MGMT: variants seen among roughly 807,000 people sequenced by gnomAD.
MGMT encodes the protein O-6-methylguanine-DNA methyltransferase.
Under a neutral mutation model 15.9 loss-of-function variants are expected in MGMT, and 14 were observed. That is an observed-to-expected ratio of 0.88 (90% CI 0.58 to 1.37). The LOEUF (loss-of-function observed/expected upper bound fraction) is 1.37. MGMT is among the 40% of genes most tolerant of loss of function. The pLI is 0.00. For missense variants in MGMT, 282 were observed against 268.1 expected, an observed-to-expected ratio of 1.05 and a Z score of -0.36; for synonymous variants, 130 against 118.2, an observed-to-expected ratio of 1.10 and a Z score of -0.65.
At chr10:129,515,663 A>G (rs1415274201) in intron 1 of MGMT, among the ~76,000 whole-genome samples, 1 of 152,198 alleles carries the variant, frequency 6.6e-6, no homozygotes, top group Non-Finnish European at 1.5e-5. Context: ...GAATGTGGCC[A>G]TGCCAGAGTT....
intron 2 of MGMT, among the ~76,000 whole-genome samples, chr10:129,658,836 C>T (rs1847561799): frequency 6.6e-6 from 1 of 152,202 alleles, no homozygotes; most frequent in African/African-American, 2.4e-5. Context: ...GCTGTTCTCG[C>T]CCTTAGCTCG....
chr10:129,738,429 C>T (rs1354519098), intron 3 of MGMT, among the ~76,000 whole-genome samples: 2 of 152,238 alleles, frequency 1.3e-5, no homozygotes, highest in African/African-American at 4.8e-5. Context: ...ACGGTGCACG[C>T]ACCCACTGAC....
intron 2 of MGMT, among the ~76,000 whole-genome samples, chr10:129,677,275 G>C (rs1847796830): frequency 6.6e-6 from 1 of 151,854 alleles, no homozygotes; most frequent in Non-Finnish European, 1.5e-5. Context: ...TTATTTATAA[G>C]CATTTTCTAT....
intron 2 of MGMT, among the ~76,000 whole-genome samples, chr10:129,609,742 A>G (rs1204326582): frequency 3.9e-5 from 6 of 152,174 alleles, no homozygotes; most frequent in Non-Finnish European, 8.8e-5. Flanking sequence ...TTCCCTGAAC[A>G]CTGTAGGAAG....
intron 3 of MGMT, among the ~76,000 whole-genome samples, chr10:129,749,882 T>C (rs1199578799): frequency 6.6e-6 from 1 of 152,286 alleles, no homozygotes; most frequent in East Asian, 1.9e-4. Context: ...ATGTTAAATA[T>C]CTTTCCTTGT....
chr10:129,601,068 C>G (rs1312690640), intron 2 of MGMT, among the ~76,000 whole-genome samples: 1 of 149,678 alleles, frequency 6.7e-6, no homozygotes, highest in African/African-American at 2.5e-5. Context: ...TTCTTGGTGG[C>G]ATTTTTCATC....
chr10:129,717,372 G>A (rs1848311596), intron 3 of MGMT, among the ~76,000 whole-genome samples: 1 of 152,314 alleles, frequency 6.6e-6, no homozygotes, highest in East Asian at 1.9e-4. Flanking sequence ...GTGGTAAATA[G>A]CGTGTTCAGT....
intron 2 of MGMT, among the ~76,000 whole-genome samples, chr10:129,688,705 T>C (rs887817094): frequency 2.6e-5 from 4 of 152,232 alleles, no homozygotes; most frequent in African/African-American, 9.6e-5. Context: ...AAAGACTTCA[T>C]GTCTAAAACA....
At chr10:129,560,069 G>A (rs543530308) in intron 2 of MGMT, among the ~76,000 whole-genome samples, 88 of 152,306 alleles carry the variant, frequency 5.8e-4, no homozygotes, top group African/African-American at 2.0e-3. Context: ...TCTATGAAAG[G>A]TCAGTTGTTA....
chr10:129,644,639 G>T (rs1301201624), intron 2 of MGMT, among the ~76,000 whole-genome samples: 1 of 152,174 alleles, frequency 6.6e-6, no homozygotes, highest in African/African-American at 2.4e-5. Flanking sequence ...TTCCCTTTCA[G>T]ACACGCATTC....
At chr10:129,502,295 A>G (rs1257398047) in intron 1 of MGMT, among the ~76,000 whole-genome samples, 5 of 152,078 alleles carry the variant, frequency 3.3e-5, no homozygotes, top group Non-Finnish European at 7.4e-5. Context: ...TCATCTACAC[A>G]CCATTTGATC....
intron 1 of MGMT, among the ~76,000 whole-genome samples, chr10:129,521,063 C>A (rs1845804485): frequency 6.6e-6 from 1 of 152,142 alleles, no homozygotes; most frequent in Non-Finnish European, 1.5e-5. Context: ...TGTCAGATGT[C>A]CGGGTGCCCA....
chr10:129,650,354 A>G (rs964414016), intron 2 of MGMT, among the ~76,000 whole-genome samples: 2 of 152,188 alleles, frequency 1.3e-5, no homozygotes, highest in Non-Finnish European at 2.9e-5. Context: ...ATCTTCGCCA[A>G]GCTAGAGGAC....
intron 1 of MGMT, among the ~76,000 whole-genome samples, chr10:129,506,391 C>G (rs1042901277): frequency 6.6e-6 from 1 of 152,164 alleles, no homozygotes; most frequent in Non-Finnish European, 1.5e-5. Flanking sequence ...ACCCCTTCTT[C>G]TGTTGTGTCT....
At chr10:129,565,543 A>G (rs1353986044) in intron 2 of MGMT, among the ~76,000 whole-genome samples, 3 of 152,174 alleles carry the variant, frequency 2.0e-5, no homozygotes, top group Non-Finnish European at 4.4e-5. Flanking sequence ...AAATATTGAC[A>G]TTTAGTAGTT....
chr10:129,583,775 A>G (rs1846585412), intron 2 of MGMT, among the ~76,000 whole-genome samples: 1 of 152,202 alleles, frequency 6.6e-6, no homozygotes, highest in Non-Finnish European at 1.5e-5. Context: ...AGAGTATTCC[A>G]TTCAACAGAT....
At chr10:129,538,097 A>G (rs1287093246) in intron 2 of MGMT, among the ~76,000 whole-genome samples, 1 of 152,170 alleles carries the variant, frequency 6.6e-6, no homozygotes, top group Non-Finnish European at 1.5e-5. Flanking sequence ...AAGTTTGAGA[A>G]TAGTATATAA....
chr10:129,493,449 C>T (rs1403045208), intron 1 of MGMT, among the ~76,000 whole-genome samples: 2 of 152,186 alleles, frequency 1.3e-5, no homozygotes, highest in South Asian at 2.1e-4. Context: ...AGAGGCCATT[C>T]AGGAAACTTT....
intron 3 of MGMT, among the ~76,000 whole-genome samples, chr10:129,749,154 A>C (rs1848726614): frequency 1.3e-5 from 2 of 152,184 alleles, no homozygotes; most frequent in Non-Finnish European, 2.9e-5. Context: ...ATTTACATAC[A>C]TTGCTTAGAT....
Sources: gnomAD v4.1 joint callset for allele counts (sites outside exome capture counted in the v4.1 genomes callset) on GRCh38, gnomAD v4.1.1 for gene constraint, MANE v1.5 for transcripts, NCBI Gene and HGNC (gene_info 2026-07-23, HGNC 2026-07-21) for gene names.